The following MTHFD1L variants were observed in gnomAD, a reference collection of about 807,000 sequenced individuals.
The protein encoded by MTHFD1L is methylenetetrahydrofolate dehydrogenase (NADP+ dependent) 1 like.
In MTHFD1L, 81 loss-of-function variants were observed where a neutral mutation model predicts 119.5. That is an observed-to-expected ratio of 0.68 (90% CI 0.57 to 0.82). The LOEUF (loss-of-function observed/expected upper bound fraction) is 0.82, where lower values mean the gene tolerates loss of function less well. Among genes scored for constraint, MTHFD1L ranks in the 40% least tolerant of loss-of-function variants. The probability of loss-of-function intolerance (pLI) is 0.00; values close to 1 mark genes in which losing one functional copy is unlikely to be tolerated. For missense variants in MTHFD1L, 1,125 were observed against 1,253.4 expected (o/e 0.90, Z 1.55); for synonymous variants, 430 against 475.2 (o/e 0.90, Z 1.24).
intron 7 of MTHFD1L, among the ~76,000 whole-genome samples, chr6:150,904,981 G>T (rs74700629): frequency 0.027 from 4,056 of 151,720 alleles, 183 homozygotes; most frequent in African/African-American, 0.091. Context: ...CCATTATACA[G>T]GCCAGCAAGC....
At chr6:151,000,015 G>T (rs1780384702) in intron 20 of MTHFD1L, among the ~76,000 whole-genome samples, 1 of 152,150 alleles carries the variant, frequency 6.6e-6, no homozygotes, top group Admixed American at 6.6e-5. Flanking sequence ...CCAAAGAGGT[G>T]GAAAGGAAGA....
At chr6:150,945,099 T>C (rs1034772644) in intron 14 of MTHFD1L, among the ~76,000 whole-genome samples, 7 of 152,200 alleles carry the variant, frequency 4.6e-5, no homozygotes, top group East Asian at 1.9e-4. Flanking sequence ...ATATAGGACA[T>C]AGATAAAAGG....
At chr6:151,053,181 C>T (rs548360186) in intron 26 of MTHFD1L, among the ~76,000 whole-genome samples, 1 of 152,306 alleles carries the variant, frequency 6.6e-6, no homozygotes, top group African/African-American at 2.4e-5. Flanking sequence ...GAGAATCCTC[C>T]ACTTTCAACT....
rs150695212 is a variant in MTHFD1L, at chr6:150,887,857, A to G, written c.656A>G (p.Asp219Gly). Reference protein sequence around the residue: ...ELLEKSGVNLDGKKILVVGAH... With the variant: ...ELLEKSGVNLGGKKILVVGAH... Reference sequence around the variant, plus strand: ...ATTTGGTTAGTAGGTGTCAACCTAGATGGAAAGAAGATTTTGGTAGTGGGG... The same window carrying G: ...ATTTGGTTAGTAGGTGTCAACCTAGGTGGAAAGAAGATTTTGGTAGTGGGG... Residue 219 changes from aspartate (D) to glycine (G), a missense_variant, in exon 7 of 28, where the codon GAT (aspartate) becomes GGT (glycine). This residue lies in a region of MTHFD1L where 1,058 missense variants were observed against 1,151.2 expected (regional missense o/e 0.92). Coordinates refer to ENST00000367321, the MANE Select transcript of MTHFD1L (RefSeq NM_015440.5). 2.4e-5 allele frequency: 39 copies of G among 1,601,220 alleles called. No individual in the cohort carries two copies. In the African/African-American group the frequency reaches 4.2e-4, roughly 17 times the overall value.
At chr6:151,080,976 T>A (rs1324574007) in intron 26 of MTHFD1L, among the ~76,000 whole-genome samples, 5 of 152,186 alleles carry the variant, frequency 3.3e-5, no homozygotes, top group Non-Finnish European at 7.3e-5. Context: ...CGATCATGGC[T>A]CCCTACAGCC....
At chr6:151,022,117 T>TTC in intron 24 of MTHFD1L, 1 of 468,972 alleles carries the variant, frequency 2.1e-6, no homozygotes, top group Non-Finnish European at 4.4e-6. Flanking sequence ...CTCTGCTGAC[T>TTC]TCTGAACTTC....
chr6:150,967,121 T>C (rs1008333372), intron 19 of MTHFD1L, among the ~76,000 whole-genome samples: 4 of 152,118 alleles, frequency 2.6e-5, no homozygotes, highest in African/African-American at 9.7e-5. Context: ...TGCCCCCACC[T>C]GCATCCTCAT....
intron 20 of MTHFD1L, among the ~76,000 whole-genome samples, chr6:150,994,258 A>G (rs1289875416): frequency 3.3e-5 from 5 of 152,062 alleles, no homozygotes; most frequent in Non-Finnish European, 7.4e-5. Flanking sequence ...CTGTATCCCA[A>G]TCAGCAAGAA....
chr6:150,977,272 A>G (rs1776716484), intron 20 of MTHFD1L, among the ~76,000 whole-genome samples: 2 of 152,234 alleles, frequency 1.3e-5, no homozygotes, highest in Admixed American at 1.3e-4. Flanking sequence ...TGTTCTAACA[A>G]AAAGCATACA....
intron 20 of MTHFD1L, among the ~76,000 whole-genome samples, chr6:150,984,561 A>G (rs1777989852): frequency 6.7e-6 from 1 of 148,990 alleles, no homozygotes; most frequent in South Asian, 2.1e-4. Context: ...CACAGGAACC[A>G]AAAACAAGGG....
chr6:150,866,881 C>T (rs972581639), intron 1 of MTHFD1L, among the ~76,000 whole-genome samples: 19 of 152,308 alleles, frequency 1.2e-4, no homozygotes, highest in Admixed American at 3.9e-4. Context: ...AGGGCGAGCC[C>T]TTCGGGACAA....
At chr6:150,898,019 T>C (rs1015499903) in intron 7 of MTHFD1L, among the ~76,000 whole-genome samples, 46 of 152,186 alleles carry the variant, frequency 3.0e-4, no homozygotes, top group African/African-American at 9.4e-4. Context: ...TAATTTTGTA[T>C]TTTTAGTAGG....
intron 7 of MTHFD1L, among the ~76,000 whole-genome samples, chr6:150,890,864 G>A (rs557730194): frequency 6.6e-6 from 1 of 152,360 alleles, no homozygotes; most frequent in South Asian, 2.1e-4. Flanking sequence ...AGGGTGAAAG[G>A]ATAAATCAGT....
intron 24 of MTHFD1L, among the ~76,000 whole-genome samples, chr6:151,032,413 A>G (rs1019341557): frequency 1.3e-5 from 2 of 152,064 alleles, no homozygotes; most frequent in Admixed American, 1.3e-4. Flanking sequence ...CCTCCTGAGA[A>G]CTCAGAGTGA....
Position 150,882,687 on chromosome 6 carries a change from T to A in MTHFD1L, c.418-75T>A, listed in dbSNP as rs2128758055. On this transcript the variant is annotated intron_variant, in intron 4 of 27. Coordinates refer to ENST00000367321, the MANE Select transcript of MTHFD1L (RefSeq NM_015440.5). ...AGATGCATTTTCATGAATCCACTTT[T>A]TATATAAAGCTTCCTTTGTTGGGTC... 4.4e-6 allele frequency: 5 copies of A among 1,125,702 alleles called. No individual in the cohort carries two copies. In the South Asian group the frequency reaches 1.0e-4, roughly 23 times the overall value. 69.7% of individuals were successfully genotyped at this position (1,125,702 alleles called of 1,614,324 possible).
At chr6:150,959,079 A>T in intron 17 of MTHFD1L, 2 of 595,970 alleles carry the variant, frequency 3.4e-6, no homozygotes, top group South Asian at 1.5e-4. Flanking sequence ...TAAATTTCAT[A>T]CAATGAAAGA....
chr6:150,996,818 A>G (rs553740811), intron 20 of MTHFD1L, among the ~76,000 whole-genome samples: 22 of 152,294 alleles, frequency 1.4e-4, no homozygotes, highest in African/African-American at 4.6e-4. Flanking sequence ...GTGTAGAAGC[A>G]GGTTCCTCTG....
At chr6:150,873,352 A>G (rs1779860491) in intron 1 of MTHFD1L, among the ~76,000 whole-genome samples, 1 of 152,180 alleles carries the variant, frequency 6.6e-6, no homozygotes, top group South Asian at 2.1e-4. Context: ...TCAACTATGA[A>G]TGGATCAAGA....
chr6:150,973,295 T>C (rs1431493808), intron 20 of MTHFD1L, among the ~76,000 whole-genome samples: 2 of 152,232 alleles, frequency 1.3e-5, no homozygotes, highest in Admixed American at 1.3e-4. Context: ...AAGAATTCCT[T>C]GTGGACTGGC....
Sources: gnomAD v4.1 joint callset for allele counts (sites outside exome capture counted in the v4.1 genomes callset) on GRCh38, gnomAD v4.1.1 for gene constraint, gnomAD v4.1.1 regional missense constraint, MANE v1.5 for transcripts, NCBI Gene and HGNC (gene_info 2026-07-23, HGNC 2026-07-21) for gene names.